The following TLN2 variants were observed in gnomAD, a reference collection of about 807,000 sequenced individuals.
TLN2 encodes talin 2.
A neutral mutation model predicts 294.7 loss-of-function variants in TLN2; 118 were observed. That is an observed-to-expected ratio of 0.40 (90% confidence interval 0.34 to 0.47). TLN2 has a LOEUF of 0.47. Among genes scored for constraint, TLN2 ranks in the 20% least tolerant of loss-of-function variants. The pLI is 0.84. For missense variants in TLN2, 3,083 were observed against 3,282.2 expected (o/e 0.94, Z 1.48); for synonymous variants, 1,431 against 1,304.5 (o/e 1.10, Z -2.09).
At chr15:62,453,419 A>C (rs1407503527) in intron 1 of TLN2, among the ~76,000 whole-genome samples, 2 of 152,144 alleles carry the variant, frequency 1.3e-5, no homozygotes. Context: ...GTGTGCTCTA[A>C]TACAAGGCCC....
intron 1 of TLN2, among the ~76,000 whole-genome samples, chr15:62,458,755 C>T (rs562779989): frequency 3.9e-5 from 6 of 152,124 alleles, no homozygotes; most frequent in African/African-American, 1.4e-4. Flanking sequence ...GGCAACATAA[C>T]GAGACTCTGT....
intron 1 of TLN2, among the ~76,000 whole-genome samples, chr15:62,406,193 G>A (rs2033392364): frequency 6.6e-6 from 1 of 152,228 alleles, no homozygotes; most frequent in Non-Finnish European, 1.5e-5. Context: ...AGTTCTGGAA[G>A]CTAGAAGTCT....
intron 3 of TLN2, among the ~76,000 whole-genome samples, chr15:62,646,507 A>T (rs566880803): frequency 6.6e-6 from 1 of 152,322 alleles, no homozygotes; most frequent in East Asian, 1.9e-4. Flanking sequence ...GAAACAAAAT[A>T]TCTCCATAGT....
intron 1 of TLN2, among the ~76,000 whole-genome samples, chr15:62,441,771 A>G (rs1225143139): frequency 6.6e-6 from 1 of 152,164 alleles, no homozygotes; most frequent in African/African-American, 2.4e-5. Flanking sequence ...GCAATGGCCA[A>G]TGATGTGATC....
intron 12 of TLN2, among the ~76,000 whole-genome samples, chr15:62,692,626 C>G (rs1240059795): frequency 6.6e-6 from 1 of 152,174 alleles, no homozygotes; most frequent in Non-Finnish European, 1.5e-5. Context: ...TTTGCAAGTT[C>G]TGAGCCCCCC....
chr15:62,438,315 CT>C (rs11289108), intron 1 of TLN2, among the ~76,000 whole-genome samples: 139,002 of 152,200 alleles, frequency 0.91, 64,513 homozygotes, highest in East Asian at 1. Context: ...ACACTTCTCC[CT>C]TGTGGAAATA....
Position 62,820,348 on chromosome 15 carries a change from G to A in TLN2, c.6878-138G>A, listed in dbSNP as rs571426069. On this transcript the variant is annotated intron_variant, in intron 53 of 58. Transcript: ENST00000636159. Reference sequence around the variant, plus strand: ...CATCCAGATGGCCTTTATGAGAGACGGAAGGAAGGTTCCTTAGGACAATGC... The same window carrying A: ...CATCCAGATGGCCTTTATGAGAGACAGAAGGAAGGTTCCTTAGGACAATGC... 24 of 678,230 alleles carry A rather than the reference G, an allele frequency of 3.5e-5. No homozygotes were observed. In the African/African-American group the frequency reaches 3.8e-4, roughly 11 times the overall value. The allele number at this position is 678,230 out of a possible 1,614,324, so 42.0% of individuals were successfully genotyped here.
intron 11 of TLN2, among the ~76,000 whole-genome samples, chr15:62,679,321 A>T (rs76237961): frequency 0.018 from 2,777 of 152,330 alleles, 91 homozygotes; most frequent in African/African-American, 0.063. Context: ...AAAAACTCAC[A>T]CATATGTGTT....
rs1039536928 is a variant in TLN2, at chr15:62,698,611, G to A, written c.1474-143G>A. 6.5e-4 allele frequency: 407 copies of A among 623,284 alleles called. 2 individuals are homozygous for A. The highest frequency in any genetic ancestry group is 1.6e-4 in the Non-Finnish European group (57 of 354,036). The allele number at this position is 623,284 out of a possible 1,614,324, so 38.6% of individuals were successfully genotyped here. On this transcript the variant is annotated intron_variant, in intron 15 of 58. Transcript: ENST00000636159. ...CTATTTCTGGCCTCCAGGTTGAAAT[G>A]GGAGATGGTTGAGGCGCTTGTTGAG...
At chr15:62,736,850 T>G in intron 28 of TLN2, 28 bp from the exon 29 acceptor site, 1 of 1,608,742 alleles carries the variant, frequency 6.2e-7, no homozygotes, top group Non-Finnish European at 8.5e-7. Flanking sequence ...GGAGTCTAAT[T>G]GGAAATCTGA....
rs745369779 is a variant in TLN2 at position 62,771,070 on chromosome 15, A to G, written c.5303A>G (p.Lys1768Arg). The change falls in exon 42 of 59, where the codon AAG becomes AGG. Residue 1768 changes from lysine to arginine, a missense_variant. By Grantham distance (26) the Lys-to-Arg change is conservative (BLOSUM62 2). Coordinates refer to ENST00000636159, the MANE Select transcript of TLN2 (RefSeq NM_015059.3). ...CAGATGACGGTGCTGGACCAGACCA[A>G]GACTCTCGCAGAGTCTGCCTTGCAG... ...QQQMTVLDQTKTLAESALQML... is the reference protein window; with the variant it reads ...QQQMTVLDQTRTLAESALQML... 1 of 1,613,884 alleles carries G rather than the reference A, an allele frequency of 6.2e-7. No individual in the cohort carries two copies.
intron 11 of TLN2, among the ~76,000 whole-genome samples, chr15:62,679,030 CTTTT>C (rs71131118): frequency 1.5e-5 from 2 of 132,386 alleles, no homozygotes; most frequent in Non-Finnish European, 1.7e-5. Flanking sequence ...TATACCAAGT[CTTTT>C]TTTTTTTTTT....
chr15:62,750,855 C>T (rs1212584676), intron 34 of TLN2, among the ~76,000 whole-genome samples: 2 of 152,112 alleles, frequency 1.3e-5, no homozygotes, highest in Non-Finnish European at 2.9e-5. Context: ...TAAGTCAAAT[C>T]GTGTATTTTC....
intron 1 of TLN2, among the ~76,000 whole-genome samples, chr15:62,411,086 T>C (rs2033749520): frequency 6.6e-6 from 1 of 152,116 alleles, no homozygotes; most frequent in Non-Finnish European, 1.5e-5. Context: ...GGATACAGCC[T>C]GAAACAAAAC....
At position 62,618,419 on chromosome 15, in the gene TLN2, G is replaced by C. The variant is rs2048490366; in HGVS notation, c.-93G>C. On this transcript the variant is annotated 5_prime_UTR_variant, in exon 3 of 59. Transcript: ENST00000636159. ...TGATTCCTGAAACTTCGGACCCCTGGGTATTAACAGAGGACTCAGTGGGAG... is the reference window on the plus strand; with the variant it reads ...TGATTCCTGAAACTTCGGACCCCTGCGTATTAACAGAGGACTCAGTGGGAG... 1 of 152,160 alleles carries C rather than the reference G, an allele frequency of 6.6e-6. No individual in the cohort carries two copies. Among genetic ancestry groups the C allele is most frequent in the African/African-American group, 2.4e-5 (1 of 41,426 alleles). The allele number at this position is 152,160 out of a possible 1,614,324, so 9.4% of individuals were successfully genotyped here.
intron 1 of TLN2, among the ~76,000 whole-genome samples, chr15:62,439,573 A>G (rs2035451464): frequency 1.3e-5 from 2 of 152,140 alleles, no homozygotes; most frequent in South Asian, 2.1e-4. Context: ...TTGGCCTCCC[A>G]AAGTGCTTGG....
chr15:62,607,107 C>T (rs2047517461), intron 2 of TLN2, among the ~76,000 whole-genome samples: 1 of 152,216 alleles, frequency 6.6e-6, no homozygotes, highest in African/African-American at 2.4e-5. Context: ...GCCCGTGATC[C>T]TGGGTCCCTT....
intron 1 of TLN2, among the ~76,000 whole-genome samples, chr15:62,402,043 C>T (rs1057290569): frequency 6.6e-6 from 1 of 152,166 alleles, no homozygotes; most frequent in African/African-American, 2.4e-5. Flanking sequence ...GGGTCAAGAA[C>T]CCTTGCTCTA....
chr15:62,749,390 G>A (rs2061793952), intron 33 of TLN2, among the ~76,000 whole-genome samples: 1 of 152,202 alleles, frequency 6.6e-6, no homozygotes, highest in Admixed American at 6.5e-5. Context: ...AAATATGTAG[G>A]TTGTTGATCT....
Sources: gnomAD v4.1 joint callset for allele counts (sites outside exome capture counted in the v4.1 genomes callset) on GRCh38, gnomAD v4.1.1 for gene constraint, MANE v1.5 for transcripts, NCBI Gene and HGNC (gene_info 2026-07-23, HGNC 2026-07-21) for gene names.